The following KIF3B variants were observed in gnomAD, a reference collection of about 807,000 sequenced individuals.
KIF3B encodes kinesin-like protein KIF3B.
KIF3B carries 38 observed loss-of-function variants against 74.3 expected under a neutral mutation model. That is an observed-to-expected ratio of 0.51 (90% CI 0.39 to 0.67). The LOEUF (loss-of-function observed/expected upper bound fraction) is 0.67, where lower values mean the gene tolerates loss of function less well. KIF3B is among the 30% of genes least tolerant of loss of function. KIF3B has a pLI of 0.00. For synonymous variants in KIF3B, 326 were observed against 342.5 expected (o/e 0.95, Z 0.53); for missense variants, 649 against 932.0 (o/e 0.70, Z 3.95).
At chr20:32,309,434 G>C (rs2047788723) in intron 1 of KIF3B, among the ~76,000 whole-genome samples, 1 of 152,080 alleles carries the variant, frequency 6.6e-6, no homozygotes, top group African/African-American at 2.4e-5. Context: ...CCCAGAGTGA[G>C]ACCCAGACTT....
intron 2 of KIF3B, among the ~76,000 whole-genome samples, chr20:32,315,810 C>T (rs182937318): frequency 2.0e-5 from 3 of 152,238 alleles, no homozygotes. Flanking sequence ...TGGCATCTGG[C>T]GCCATATGGT....
chr20:32,317,390 C>G (rs1354606429), intron 5 of KIF3B, among the ~76,000 whole-genome samples: 1 of 152,140 alleles, frequency 6.6e-6, no homozygotes, highest in Non-Finnish European at 1.5e-5. Context: ...CCTTCTAACC[C>G]TACCTTCTCG....
intron 1 of KIF3B, among the ~76,000 whole-genome samples, chr20:32,292,365 G>C (rs1224734960): frequency 6.6e-6 from 1 of 152,056 alleles, no homozygotes; most frequent in African/African-American, 2.4e-5. Flanking sequence ...GGAGGCCTAA[G>C]TGGGAGAATC....
chr20:32,299,498 G>A (rs1024428184), intron 1 of KIF3B, among the ~76,000 whole-genome samples: 3 of 138,952 alleles, frequency 2.2e-5, no homozygotes, highest in Admixed American at 7.8e-5. Context: ...TGCAACCTCC[G>A]ACTCTTGGGT....
intron 1 of KIF3B, among the ~76,000 whole-genome samples, chr20:32,300,363 C>A (rs1375796756): frequency 6.6e-6 from 1 of 151,746 alleles, no homozygotes; most frequent in Non-Finnish European, 1.5e-5. Context: ...CTGCAAGCTC[C>A]GCCTCCCAGG....
Position 32,310,307 on chromosome 20 carries a change from A to G in KIF3B, c.530A>G (p.Lys177Arg). The G allele has an allele frequency of 6.2e-7, 1 of 1,613,942 alleles. No homozygotes were observed. The highest frequency in any genetic ancestry group is 8.5e-7 in the Non-Finnish European group (1 of 1,179,890). ...AGGCCTGACACAGGAGTGTATGTGAAAGACCTGTCTTCCTTTGTCACCAAG... is the reference window on the plus strand; with the variant it reads ...AGGCCTGACACAGGAGTGTATGTGAGAGACCTGTCTTCCTTTGTCACCAAG... ...KERPDTGVYVKDLSSFVTKSV... is the reference protein window; with the variant it reads ...KERPDTGVYVRDLSSFVTKSV... The change falls in exon 2 of 9, where the codon AAA becomes AGA. Residue 177 changes from lysine (K) to arginine (R), a missense_variant. Transcript: ENST00000375712. This position sits in a 1 kb window ranked among gnomAD's most constrained non-coding sequence, Gnocchi z 6.5.
At chr20:32,323,312 A>G (rs56012551) in intron 5 of KIF3B, among the ~76,000 whole-genome samples, 51,177 of 149,322 alleles carry the variant, frequency 0.34, 10,042 homozygotes, top group East Asian at 0.74. Flanking sequence ...GCTCGTTTTA[A>G]GATCTACATA....
intron 1 of KIF3B, among the ~76,000 whole-genome samples, chr20:32,281,469 C>T (rs2047642689): frequency 6.6e-6 from 1 of 152,226 alleles, no homozygotes; most frequent in African/African-American, 2.4e-5. Flanking sequence ...TTATATTCTA[C>T]TGGCAGCAAA....
chr20:32,280,172 T>C (rs762015870), intron 1 of KIF3B, among the ~76,000 whole-genome samples: 8 of 152,170 alleles, frequency 5.3e-5, no homozygotes, highest in Non-Finnish European at 1.0e-4. Context: ...GAACTTAATA[T>C]ATGTGAAGTG....
At chr20:32,322,810 ATT>A (rs2047874377) in intron 5 of KIF3B, among the ~76,000 whole-genome samples, 2 of 66,056 alleles carry the variant, frequency 3.0e-5, no homozygotes, top group Non-Finnish European at 5.0e-5. Context: ...ATTTATATAT[ATT>A]TATATATATT....
At chr20:32,316,987 G>A in intron 5 of KIF3B, 113 bp downstream of exon 5, 1 of 799,842 alleles carries the variant, frequency 1.3e-6, no homozygotes, top group South Asian at 1.5e-5. Context: ...TGTAATCCCA[G>A]TGTTTTGGGA....
chr20:32,303,249 T>A (rs1022713258), intron 1 of KIF3B, among the ~76,000 whole-genome samples: 2 of 152,184 alleles, frequency 1.3e-5, no homozygotes, highest in Non-Finnish European at 2.9e-5. Context: ...TTTAGGATGA[T>A]TGTTACAAAC....
intron 1 of KIF3B, among the ~76,000 whole-genome samples, chr20:32,288,416 A>G (rs1010066749): frequency 6.6e-6 from 1 of 152,152 alleles, no homozygotes; most frequent in Non-Finnish European, 1.5e-5. Context: ...CCAGGAGTTC[A>G]AGGCTACAGT....
chr20:32,316,372 C>CTG (rs542972326), intron 3 of KIF3B, 53 bp downstream of exon 3: 2,288 of 1,532,450 alleles, frequency 1.5e-3, no homozygotes, highest in Non-Finnish European at 1.9e-3. Flanking sequence ...TGTGTTTATG[C>CTG]TGCAGAGCAA....
intron 1 of KIF3B, among the ~76,000 whole-genome samples, chr20:32,305,777 T>C (rs1251230505): frequency 6.6e-6 from 1 of 151,282 alleles, no homozygotes; most frequent in Non-Finnish European, 1.5e-5. Flanking sequence ...ACAGATGGTG[T>C]TTCACCATGT....
chr20:32,301,497 C>T (rs1363641233), intron 1 of KIF3B, among the ~76,000 whole-genome samples: 1 of 152,106 alleles, frequency 6.6e-6, no homozygotes, highest in Non-Finnish European at 1.5e-5. Flanking sequence ...CTGCCTCAGC[C>T]TCCCGAGTAG....
intron 1 of KIF3B, among the ~76,000 whole-genome samples, chr20:32,289,966 T>C (rs960997874): frequency 6.6e-6 from 1 of 152,136 alleles, no homozygotes; most frequent in Non-Finnish European, 1.5e-5. Context: ...GAGTTACCAC[T>C]TGTGGGCCAG....
chr20:32,299,405 T>TA (rs2047732606), intron 1 of KIF3B, among the ~76,000 whole-genome samples: 5 of 37,194 alleles, frequency 1.3e-4, no homozygotes, highest in South Asian at 8.8e-4. Flanking sequence ...ATATATATAT[T>TA]TTTTTTTTTT....
rs746331274 is a variant in KIF3B at position 32,327,620 on chromosome 20, G to A, written c.1927G>A (p.Ala643Thr). The change falls in exon 7 of 9, where the codon GCA (alanine) becomes ACA (threonine). Residue 643 changes from alanine to threonine, a missense_variant. By Grantham distance (58) the Ala-to-Thr change is moderately conservative. This residue lies in a region of KIF3B where 186 missense variants were observed against 198.5 expected (regional missense o/e 0.94). Transcript: ENST00000375712. ...ATATAAGAGACCATTGAGCCAGCAC[G>A]CAAGAATGTCCATGATGATTCGTCC... ...VGYKRPLSQHARMSMMIRPEA... is the reference protein window; with the variant it reads ...VGYKRPLSQHTRMSMMIRPEA... The A allele has an allele frequency of 6.8e-6, 11 of 1,613,146 alleles. No individual in the cohort carries two copies. The highest frequency in any genetic ancestry group is 2.2e-5 in the South Asian group (2 of 91,080).
Sources: gnomAD v4.1 joint callset for allele counts (sites outside exome capture counted in the v4.1 genomes callset) on GRCh38, gnomAD v4.1.1 for gene constraint, gnomAD v4.1.1 regional missense constraint, Gnocchi (gnomAD v3.1) non-coding constraint, MANE v1.5 for transcripts, NCBI Gene and HGNC (gene_info 2026-07-23, HGNC 2026-07-21) for gene names.